Variants in SUMF1 observed in about 807,000 individuals in gnomAD.
SUMF1 encodes formylglycine-generating enzyme.
Under a neutral mutation model 47.6 loss-of-function variants are expected in SUMF1, and 48 were observed. The observed-to-expected ratio is 1.01, with a 90% confidence interval of 0.80 to 1.28. SUMF1 has a LOEUF of 1.28. SUMF1 is among the 50% of genes most tolerant of loss of function. The pLI is 0.00. For missense variants in SUMF1, 571 were observed against 485.4 expected, an observed-to-expected ratio of 1.18 and a Z score of -1.66; for synonymous variants, 230 against 192.1, an observed-to-expected ratio of 1.20 and a Z score of -1.63.
At chr3:4,215,810 A>T (rs928021344) in intron 8 of SUMF1, among the ~76,000 whole-genome samples, 3 of 152,184 alleles carry the variant, frequency 2.0e-5, no homozygotes, top group Non-Finnish European at 4.4e-5. Flanking sequence ...AGAGAAAAAA[A>T]TACCTAGGAA....
At chr3:4,098,877 A>C (rs1692966106) in intron 8 of SUMF1, among the ~76,000 whole-genome samples, 2 of 152,152 alleles carry the variant, frequency 1.3e-5, no homozygotes, top group East Asian at 3.8e-4. Flanking sequence ...ATTTCTGACA[A>C]TTGCAATTTT....
chr3:4,249,929 T>C (rs1696756459), intron 8 of SUMF1, among the ~76,000 whole-genome samples: 1 of 152,114 alleles, frequency 6.6e-6, no homozygotes, highest in Non-Finnish European at 1.5e-5. Flanking sequence ...ATGCCTCTAA[T>C]CCCAGCACTT....
At chr3:4,347,840 G>T (rs1043142340) in intron 8 of SUMF1, among the ~76,000 whole-genome samples, 2 of 152,062 alleles carry the variant, frequency 1.3e-5, no homozygotes, top group African/African-American at 4.8e-5. Flanking sequence ...AAAGTCTCAG[G>T]GTACAAAAGT....
At chr3:4,176,428 C>T (rs1694964584) in intron 8 of SUMF1, among the ~76,000 whole-genome samples, 2 of 152,126 alleles carry the variant, frequency 1.3e-5, no homozygotes, top group African/African-American at 4.8e-5. Flanking sequence ...ATTTCATATC[C>T]AGCTATACTA....
At chr3:4,251,244 G>A (rs1181067845) in intron 8 of SUMF1, among the ~76,000 whole-genome samples, 1 of 152,148 alleles carries the variant, frequency 6.6e-6, no homozygotes, top group African/African-American at 2.4e-5. Flanking sequence ...CTGCCTATGT[G>A]GTAGAAATAG....
intron 8 of SUMF1, among the ~76,000 whole-genome samples, chr3:4,327,249 G>T (rs893613223): frequency 1.3e-5 from 2 of 152,148 alleles, no homozygotes; most frequent in Non-Finnish European, 2.9e-5. Context: ...TTTGATTGGG[G>T]TTAGCAAGCC....
At chr3:4,103,632 G>T (rs1693089413) in intron 8 of SUMF1, among the ~76,000 whole-genome samples, 1 of 152,070 alleles carries the variant, frequency 6.6e-6, no homozygotes, top group East Asian at 1.9e-4. Flanking sequence ...CTTAGGCATG[G>T]AGAATAATTT....
chr3:4,265,314 T>G (rs892086397), intron 8 of SUMF1, among the ~76,000 whole-genome samples: 1 of 152,112 alleles, frequency 6.6e-6, no homozygotes, highest in Non-Finnish European at 1.5e-5. Flanking sequence ...ACCTTTAGCT[T>G]AGAGATCACA....
intron 3 of SUMF1, among the ~76,000 whole-genome samples, chr3:4,430,085 G>C (rs1034526979): frequency 3.9e-5 from 6 of 152,162 alleles, no homozygotes; most frequent in Non-Finnish European, 7.3e-5. Context: ...GGCAGAGCCA[G>C]GAAAATAACC....
intron 7 of SUMF1, among the ~76,000 whole-genome samples, chr3:4,378,300 G>A (rs1373005680): frequency 1.3e-5 from 2 of 152,156 alleles, no homozygotes; most frequent in African/African-American, 2.4e-5. Context: ...TGAACTGAAA[G>A]TGGAAAACAG....
At chr3:4,429,349 T>C (rs554801405) in intron 3 of SUMF1, among the ~76,000 whole-genome samples, 40 of 152,264 alleles carry the variant, frequency 2.6e-4, no homozygotes, top group Admixed American at 4.6e-4. Context: ...AGCTTACTTA[T>C]AGATCTTTAC....
At chr3:4,305,670 C>T (rs998950541) in intron 8 of SUMF1, among the ~76,000 whole-genome samples, 8 of 151,978 alleles carry the variant, frequency 5.3e-5, no homozygotes, top group Admixed American at 4.6e-4. Context: ...TGATGTTATG[C>T]CAGAGTCAGG....
At chr3:4,283,515 C>T (rs929055760) in intron 8 of SUMF1, among the ~76,000 whole-genome samples, 1 of 152,034 alleles carries the variant, frequency 6.6e-6, no homozygotes, top group Non-Finnish European at 1.5e-5. Flanking sequence ...CAAATAAGAG[C>T]AAAAGATTAA....
intron 7 of SUMF1, among the ~76,000 whole-genome samples, chr3:4,394,855 A>G (rs954394586): frequency 2.6e-5 from 4 of 152,182 alleles, no homozygotes; most frequent in African/African-American, 9.7e-5. Flanking sequence ...TGAAATCCAC[A>G]TCATCAAAGT....
At chr3:4,335,828 CGG>C (rs1699135595) in intron 8 of SUMF1, among the ~76,000 whole-genome samples, 2 of 151,686 alleles carry the variant, frequency 1.3e-5, no homozygotes, top group Non-Finnish European at 2.9e-5. Context: ...AGTGTGGTGG[CGG>C]GCACATGTAA....
At chr3:4,234,745 A>G (rs1464182133) in intron 8 of SUMF1, among the ~76,000 whole-genome samples, 1 of 152,148 alleles carries the variant, frequency 6.6e-6, no homozygotes, top group Non-Finnish European at 1.5e-5. Flanking sequence ...GAAGATGAGA[A>G]TGGGCTACCA....
At chr3:4,125,400 A>G (rs957010988) in intron 8 of SUMF1, among the ~76,000 whole-genome samples, 1 of 152,126 alleles carries the variant, frequency 6.6e-6, no homozygotes, top group Admixed American at 6.5e-5. Context: ...TATCTTTACA[A>G]AGCACTAAAA....
intron 3 of SUMF1, among the ~76,000 whole-genome samples, chr3:4,440,995 G>T (rs1225265862): frequency 6.6e-6 from 1 of 151,718 alleles, no homozygotes; most frequent in Non-Finnish European, 1.5e-5. Context: ...TTTTTTTCAA[G>T]AAAGGAGGGT....
intron 1 of SUMF1, among the ~76,000 whole-genome samples, chr3:4,456,938 G>T (rs2079655082): frequency 8.2e-6 from 1 of 121,826 alleles, no homozygotes; most frequent in African/African-American, 3.2e-5. Context: ...ATATATACGT[G>T]TGTGTACATA....
Sources: allele counts gnomAD v4.1 joint callset (sites outside exome capture counted in the v4.1 genomes callset), GRCh38; gene constraint gnomAD v4.1.1; transcripts MANE v1.5; gene names NCBI Gene and HGNC (gene_info 2026-07-23, HGNC 2026-07-21).